The following CECR2 variants were observed in gnomAD, a reference collection of about 807,000 sequenced individuals.
CECR2 encodes CECR2 histone acetyl-lysine reader.
CECR2 carries 30 observed loss-of-function variants against 154.5 expected under a neutral mutation model. The ratio of observed to expected loss-of-function variants is 0.19; its 90% CI spans 0.15 to 0.26. The LOEUF (loss-of-function observed/expected upper bound fraction) is 0.26. Ranked by LOEUF, CECR2 falls within the 10% of genes least tolerant of loss-of-function variation. The pLI is 1.00. For missense variants in CECR2, 1,743 were observed against 1,829.3 expected (o/e 0.95, Z 0.86); for synonymous variants, 725 against 683.7 (o/e 1.06, Z -0.94).
intron 2 of CECR2, among the ~76,000 whole-genome samples, chr22:17,481,771 T>C (rs142173366): frequency 3.3e-5 from 5 of 152,278 alleles, no homozygotes; most frequent in Admixed American, 6.5e-5. Context: ...CTCATGTGGT[T>C]ATGGTGATGC....
chr22:17,518,136 C>T (rs1376848016), intron 8 of CECR2, among the ~76,000 whole-genome samples: 1 of 151,796 alleles, frequency 6.6e-6, no homozygotes, highest in Non-Finnish European at 1.5e-5. Flanking sequence ...TCTTCTACTT[C>T]CTTTCTACCA....
chr22:17,436,462 C>G (rs1377662264), intron 1 of CECR2, among the ~76,000 whole-genome samples: 1 of 152,212 alleles, frequency 6.6e-6, no homozygotes, highest in Non-Finnish European at 1.5e-5. Flanking sequence ...CCACCTTTGA[C>G]TTGTAAACTT....
At chr22:17,552,774 G>GTTTTTCTTTTTTTTTTT in intron 18 of CECR2, 61 bp from the exon 19 acceptor site, 1 of 933,470 alleles carries the variant, frequency 1.1e-6, no homozygotes, top group Non-Finnish European at 1.5e-6. Flanking sequence ...GCTTACTTAA[G>GTTTTTCTTTTTTTTTTT]TTTTTTTTTT....
At chr22:17,402,443 T>TTAAG (rs2053909269) in intron 1 of CECR2, among the ~76,000 whole-genome samples, 1 of 152,242 alleles carries the variant, frequency 6.6e-6, no homozygotes, top group South Asian at 2.1e-4. Flanking sequence ...CCAAATGGTC[T>TTAAG]TTCTTAAGAC....
intron 1 of CECR2, among the ~76,000 whole-genome samples, chr22:17,403,154 T>C (rs973198073): frequency 6.6e-6 from 1 of 152,230 alleles, no homozygotes; most frequent in Non-Finnish European, 1.5e-5. Flanking sequence ...TTGATACTTA[T>C]CCTTTGGGTT....
intron 13 of CECR2, among the ~76,000 whole-genome samples, chr22:17,539,905 C>A (rs917485705): frequency 1.3e-5 from 2 of 152,132 alleles, no homozygotes; most frequent in Admixed American, 1.3e-4. Context: ...GCAAACATGG[C>A]TCACTGCAAC....
Position 17,435,700 on chromosome 22 carries a change from A to C in CECR2, c.127-41888A>C, listed in dbSNP as rs940726164. Among the ~76,000 whole-genome samples, 49 of 149,818 alleles carry C rather than the reference A, an allele frequency of 3.3e-4. 1 individual carries two copies. The highest frequency in any genetic ancestry group is 6.9e-3 in the Middle Eastern group (2 of 290). On this transcript the variant is annotated intron_variant, in intron 1 of 18. Transcript: ENST00000262608. ...TTTAATTCTTAAAAAAAAAAAAAAAAAAAAAAAAAACAGGAGCAGGACCAT... is the reference window on the plus strand; with the variant it reads ...TTTAATTCTTAAAAAAAAAAAAAAACAAAAAAAAAACAGGAGCAGGACCAT...
intron 4 of CECR2, among the ~76,000 whole-genome samples, chr22:17,500,235 A>G (rs1052136893): frequency 2.6e-4 from 39 of 151,584 alleles, no homozygotes; most frequent in African/African-American, 8.7e-4. Flanking sequence ...AAAGAATTTA[A>G]TGATGTAGTT....
chr22:17,376,034 A>G (rs2063115422), intron 1 of CECR2, among the ~76,000 whole-genome samples: 1 of 152,308 alleles, frequency 6.6e-6, no homozygotes, highest in East Asian at 1.9e-4. Flanking sequence ...AATGCCTTCT[A>G]AAGATTCAGG....
chr22:17,506,458 A>G (rs961159367), intron 7 of CECR2, among the ~76,000 whole-genome samples: 3 of 151,096 alleles, frequency 2.0e-5, no homozygotes, highest in African/African-American at 4.9e-5. Context: ...TTTAAATACT[A>G]CTCTCTCAAA....
intron 1 of CECR2, among the ~76,000 whole-genome samples, chr22:17,464,510 G>A (rs962003268): frequency 6.6e-6 from 1 of 151,796 alleles, no homozygotes; most frequent in African/African-American, 2.4e-5. Context: ...TTTCTTTTGA[G>A]GCAAGGTCTC....
intron 1 of CECR2, among the ~76,000 whole-genome samples, chr22:17,422,545 C>T (rs374983516): frequency 1.3e-5 from 2 of 152,088 alleles, no homozygotes; most frequent in African/African-American, 2.4e-5. Context: ...TTCCTTAGAT[C>T]TGTGGTTTGG....
rs2056550279 is a variant in CECR2, at chr22:17,542,818, C to T, written c.2675C>T (p.Ser892Phe). ...SPEMIAMQQLSSRVCPPGVPY... is the reference protein window; with the variant it reads ...SPEMIAMQQLFSRVCPPGVPY... Reference sequence around the variant, plus strand: ...GAGATGATTGCGATGCAGCAGCTCTCCTCCCGCGTCTGCCCCCCAGGTGTG... The same window carrying T: ...GAGATGATTGCGATGCAGCAGCTCTTCTCCCGCGTCTGCCCCCCAGGTGTG... The change falls in exon 16 of 19, where the codon TCC becomes TTC. Residue 892 changes from serine (S) to phenylalanine (F), a missense_variant. By Grantham distance (155) the Ser-to-Phe change is radical. Transcript: ENST00000262608. The T allele has an allele frequency of 6.2e-7, 1 of 1,613,878 alleles. No homozygotes were observed. Among genetic ancestry groups the T allele is most frequent in the Non-Finnish European group, 8.5e-7 (1 of 1,179,802 alleles).
intron 1 of CECR2, among the ~76,000 whole-genome samples, chr22:17,475,309 A>G (rs2055191029): frequency 1.3e-5 from 2 of 152,204 alleles, no homozygotes; most frequent in African/African-American, 4.8e-5. Flanking sequence ...CCTTTCTAGA[A>G]TGGAGAACAT....
chr22:17,547,925 G>C (rs1179470893), intron 16 of CECR2, among the ~76,000 whole-genome samples: 1 of 152,182 alleles, frequency 6.6e-6, no homozygotes, highest in Non-Finnish European at 1.5e-5. Context: ...CTGTAAGAGT[G>C]AATGTAGAGG....
intron 1 of CECR2, among the ~76,000 whole-genome samples, chr22:17,464,287 A>C (rs1316628855): frequency 6.6e-6 from 1 of 152,192 alleles, no homozygotes; most frequent in East Asian, 1.9e-4. Flanking sequence ...TCAAGTTTAA[A>C]AAGGTGTCCA....
At chr22:17,494,688 G>A (rs2146859140) in intron 2 of CECR2, among the ~76,000 whole-genome samples, 1 of 152,164 alleles carries the variant, frequency 6.6e-6, no homozygotes, top group Admixed American at 6.6e-5. Flanking sequence ...AAAGCAAACT[G>A]TTTAAGTGTT....
chr22:17,420,944 G>GTAT (rs1569071591), intron 1 of CECR2, among the ~76,000 whole-genome samples: 1 of 152,116 alleles, frequency 6.6e-6, no homozygotes, highest in Admixed American at 6.5e-5. Context: ...TGAGGACCTC[G>GTAT]TAATAACTAT....
At chr22:17,476,650 A>G (rs993468342) in intron 1 of CECR2, among the ~76,000 whole-genome samples, 7 of 152,198 alleles carry the variant, frequency 4.6e-5, no homozygotes, top group South Asian at 2.1e-4. Context: ...TAAGATTGTC[A>G]GAAGTTTGGT....
Sources: gnomAD v4.1 joint callset for allele counts (sites outside exome capture counted in the v4.1 genomes callset) on GRCh38, gnomAD v4.1.1 for gene constraint, MANE v1.5 for transcripts, NCBI Gene and HGNC (gene_info 2026-07-23, HGNC 2026-07-21) for gene names.